The following CTSO variants were observed in gnomAD, a reference collection of about 807,000 sequenced individuals.
CTSO encodes the protein cathepsin O.
In CTSO, 40 loss-of-function variants were observed where a neutral mutation model predicts 42.4. The observed-to-expected ratio is 0.94, with a 90% confidence interval of 0.73 to 1.23. The LOEUF is 1.23. Among genes scored for constraint, CTSO ranks in the 50% most tolerant of loss-of-function variants. The probability of loss-of-function intolerance (pLI) is 0.00; values close to 1 mark genes in which losing one functional copy is unlikely to be tolerated. For missense variants in CTSO, 441 were observed against 396.0 expected, an observed-to-expected ratio of 1.11 and a Z score of -0.96; for synonymous variants, 156 against 146.2, an observed-to-expected ratio of 1.07 and a Z score of -0.48.
intron 1 of CTSO, among the ~76,000 whole-genome samples, chr4:155,949,884 C>T (rs924102551): frequency 6.6e-6 from 1 of 152,176 alleles, no homozygotes; most frequent in African/African-American, 2.4e-5. Context: ...GCATAGAGCC[C>T]ATGCATGCTG....
intron 3 of CTSO, among the ~76,000 whole-genome samples, chr4:155,940,590 A>T (rs1743411566): frequency 1.3e-5 from 2 of 152,196 alleles, no homozygotes; most frequent in Admixed American, 1.3e-4. Context: ...CATGCCTGTA[A>T]TCCCAGCACT....
chr4:155,930,324 G>C (rs555001154), intron 5 of CTSO, among the ~76,000 whole-genome samples: 1 of 152,308 alleles, frequency 6.6e-6, no homozygotes, highest in South Asian at 2.1e-4. Context: ...CTACTCAAAA[G>C]TGGCTAATAT....
chr4:155,947,953 T>C (rs921261198), intron 1 of CTSO, among the ~76,000 whole-genome samples: 1 of 152,370 alleles, frequency 6.6e-6, no homozygotes, highest in East Asian at 1.9e-4. Context: ...TTCTCATTGA[T>C]ACTTTTGAAA....
chr4:155,953,715 G>A lies in CTSO; in HGVS notation c.133C>T (p.Arg45Trp), dbSNP rs1472502446. The change falls in exon 1 of 8, where the codon CGG (arginine) becomes TGG (tryptophan). Residue 45 changes from arginine to tryptophan, a missense_variant and splice_region_variant. Physicochemically the swap from Arg to Trp is moderately radical, Grantham distance 101. Coordinates refer to ENST00000433477, the MANE Select transcript of CTSO (RefSeq NM_001334.3). ...CCGGGGAGGCGCGCGCTCGGTACCC[G>A]GAAGGCGGCGGCTTCACGCTCGCGG... is the stretch of plus-strand genomic sequence containing the variant. ...RSREREAAAF[R>W]ESLNRHRYLN... 1 of 1,270,894 alleles carries A rather than the reference G, an allele frequency of 7.9e-7. No homozygotes were observed. The highest frequency in any genetic ancestry group is 2.8e-5 in the South Asian group (1 of 35,848). 78.7% of individuals were successfully genotyped at this position (1,270,894 alleles called of 1,614,324 possible).
intron 7 of CTSO, among the ~76,000 whole-genome samples, chr4:155,927,004 G>A (rs1460553161): frequency 6.6e-6 from 1 of 152,190 alleles, no homozygotes; most frequent in African/African-American, 2.4e-5. Context: ...TTATCTGCAA[G>A]TTCCAAAGAT....
intron 7 of CTSO, 118 bp downstream of exon 7, chr4:155,928,218 T>G: frequency 1.7e-6 from 1 of 598,898 alleles, no homozygotes; most frequent in Non-Finnish European, 2.7e-6. Context: ...TTTTATCATT[T>G]GGTTAAAGGA....
chr4:155,925,835 G>A lies in CTSO; in HGVS notation c.*201C>T, dbSNP rs1743120025. ...AGGCTTCCTCGCAGGCTTCTGTGCT[G>A]GAGTTTGTCCCACTGACTTTGGTTG... On this transcript the variant is annotated 3_prime_UTR_variant, in exon 8 of 8. Transcript: ENST00000433477. The A allele has an allele frequency of 1.8e-6, 1 of 556,622 alleles. No homozygotes were observed. Among genetic ancestry groups the A allele is most frequent in the Non-Finnish European group, 3.1e-6 (1 of 320,922 alleles). The allele number at this position is 556,622 out of a possible 1,614,324, so 34.5% of individuals were successfully genotyped here. A position where few individuals can be genotyped will look rare whatever the true frequency, so the allele number is the denominator to read the frequency against.
intron 5 of CTSO, among the ~76,000 whole-genome samples, chr4:155,933,086 G>C (rs969158020): frequency 3.3e-5 from 5 of 152,046 alleles, no homozygotes; most frequent in Admixed American, 3.3e-4. Context: ...ACTGCTTGGT[G>C]ACTGAGATGG....
rs533801491 is a variant in CTSO, at chr4:155,942,858, ATG to A, written c.244+296_244+297del. 1.5e-3 allele frequency among the ~76,000 whole-genome samples: 221 copies of A among 152,306 alleles called. 1 individual carries two copies. The highest frequency in any genetic ancestry group is 4.0e-3 in the African/African-American group (168 of 41,582). On this transcript the variant is annotated intron_variant, in intron 2 of 7. Coordinates refer to ENST00000433477, the MANE Select transcript of CTSO (RefSeq NM_001334.3). ...TTGTTCTATCATAACCCATGGAACC[ATG>A]TGTGTCCTGAAGAGAAAAAGCACTA...
At chr4:155,927,631 C>A (rs1743152707) in intron 7 of CTSO, among the ~76,000 whole-genome samples, 1 of 151,988 alleles carries the variant, frequency 6.6e-6, no homozygotes, top group South Asian at 2.1e-4. Flanking sequence ...AAAAATCAGC[C>A]AGGTGTGGTG....
chr4:155,937,791 T>A (rs1250895100), intron 4 of CTSO, among the ~76,000 whole-genome samples: 1 of 152,226 alleles, frequency 6.6e-6, no homozygotes, highest in Non-Finnish European at 1.5e-5. Flanking sequence ...ATTTTTTGTA[T>A]TTTTTGTAAA....
At chr4:155,932,493 C>CA (rs1372788488) in intron 5 of CTSO, among the ~76,000 whole-genome samples, 1 of 152,166 alleles carries the variant, frequency 6.6e-6, no homozygotes, top group African/African-American at 2.4e-5. Flanking sequence ...CTAAGGCTGT[C>CA]ACCACTGCAA....
At chr4:155,948,685 C>T (rs1743591324) in intron 1 of CTSO, among the ~76,000 whole-genome samples, 1 of 152,190 alleles carries the variant, frequency 6.6e-6, no homozygotes, top group South Asian at 2.1e-4. Context: ...TTTAAAATTC[C>T]TCAGAAATCA....
intron 5 of CTSO, among the ~76,000 whole-genome samples, chr4:155,934,795 G>A (rs1353041482): frequency 3.3e-5 from 5 of 152,222 alleles, no homozygotes; most frequent in Admixed American, 3.3e-4. Context: ...CATCTAGGAA[G>A]TAATTAGCTT....
chr4:155,937,371 T>A lies in CTSO; in HGVS notation c.665A>T (p.Tyr222Phe). Residue 222 changes from tyrosine to phenylalanine, a missense_variant, in exon 5 of 8, where the codon TAT becomes TTT. Physicochemically the swap from Tyr to Phe is conservative, Grantham distance 22. Transcript: ENST00000433477. ...ACAATAAGATCTTTACCTGAAGTCA[T>A]ATGCAGAATAACCTTTGATTGAAAA... ...SGFSIKGYSA[Y>F]DFSDQEDEMA... 1.2e-6 allele frequency: 2 copies of A among 1,604,900 alleles called. No individual in the cohort carries two copies. Among genetic ancestry groups the A allele is most frequent in the Non-Finnish European group, 1.7e-6 (2 of 1,171,850 alleles).
Position 155,926,074 on chromosome 4 carries a change from A to AGG in CTSO, c.932-6_932-5dup. ...GAAGAAACGGAATCTGCAATACCTAAGGGAAAAAAAAGGAATTATTAGTCT... is the reference window on the plus strand; with the variant it reads ...GAAGAAACGGAATCTGCAATACCTAAGGGGGAAAAAAAAGGAATTATTAGTCT... On this transcript the variant is annotated splice_region_variant and splice_polypyrimidine_tract_variant and intron_variant, in intron 7 of 7. Coordinates refer to ENST00000433477, the MANE Select transcript of CTSO (RefSeq NM_001334.3). The AGG allele has an allele frequency of 2.9e-5, 45 of 1,558,248 alleles. No homozygotes were observed. Among genetic ancestry groups the AGG allele is most frequent in the Non-Finnish European group, 3.9e-5 (45 of 1,143,582 alleles).
intron 5 of CTSO, among the ~76,000 whole-genome samples, chr4:155,930,736 G>A (rs1316081061): frequency 6.6e-6 from 1 of 151,986 alleles, no homozygotes; most frequent in African/African-American, 2.4e-5. Flanking sequence ...TGTCCACAGA[G>A]GAGCAAAAAG....
At chr4:155,953,622 G>T (rs1743717110) in intron 1 of CTSO, 91 bp downstream of exon 1, 18 of 1,222,204 alleles carry the variant, frequency 1.5e-5, no homozygotes, top group Non-Finnish European at 1.6e-5. Flanking sequence ...CACGAGCAGG[G>T]TCAGCTCTCG....
chr4:155,943,282 A>C lies in CTSO; in HGVS notation c.136-18T>G, dbSNP rs1005738147. 2 of 1,438,548 alleles carry C rather than the reference A, an allele frequency of 1.4e-6. No homozygotes were observed. The highest frequency in any genetic ancestry group is 1.9e-6 in the Non-Finnish European group (2 of 1,026,126). 89.1% of individuals were successfully genotyped at this position (1,438,548 alleles called of 1,614,324 possible). On this transcript the variant is annotated intron_variant, in intron 1 of 7. Transcript: ENST00000433477. ...AGACTTTCCTAGAAGAAAAACAAAA[A>C]CTATTTCATATCCACTATGTCAGTT... is the stretch of plus-strand genomic sequence containing the variant.
Sources: gnomAD v4.1 joint callset for allele counts (sites outside exome capture counted in the v4.1 genomes callset) on GRCh38, gnomAD v4.1.1 for gene constraint, MANE v1.5 for transcripts, NCBI Gene and HGNC (gene_info 2026-07-23, HGNC 2026-07-21) for gene names.